Variants in CCDC178 observed in about 807,000 individuals in gnomAD.
CCDC178 encodes the protein coiled-coil domain containing 178, also known as coiled-coil domain-containing protein 178.
In CCDC178, 126 loss-of-function variants were observed where a neutral mutation model predicts 117.4. The observed-to-expected ratio is 1.07, with a 90% CI of 0.93 to 1.24. The LOEUF (loss-of-function observed/expected upper bound fraction) is 1.24, where lower values mean the gene tolerates loss of function less well. Ranked by LOEUF, CCDC178 falls within the 50% of genes most tolerant of loss-of-function variation. The pLI is 0.00. For missense variants in CCDC178, 1,030 were observed against 986.9 expected, an observed-to-expected ratio of 1.04 and a Z score of -0.59; for synonymous variants, 283 against 313.4, an observed-to-expected ratio of 0.90 and a Z score of 1.02.
chr18:32,938,739 T>C (rs576102114), intron 22 of CCDC178, among the ~76,000 whole-genome samples: 1 of 152,288 alleles, frequency 6.6e-6, no homozygotes, highest in East Asian at 1.9e-4. Context: ...TTCTTCTAAA[T>C]GTAAACAAGG....
At chr18:33,136,832 G>T (rs1023730714) in intron 20 of CCDC178, among the ~76,000 whole-genome samples, 3 of 151,960 alleles carry the variant, frequency 2.0e-5, no homozygotes, top group Non-Finnish European at 1.5e-5. Context: ...GAGTCAAGAG[G>T]CCAGTGAAAA....
intron 20 of CCDC178, among the ~76,000 whole-genome samples, chr18:33,099,358 G>A (rs574449407): frequency 6.6e-6 from 1 of 152,040 alleles, no homozygotes; most frequent in South Asian, 2.1e-4. Flanking sequence ...TATGCCCTTG[G>A]TACATTTCTG....
intron 21 of CCDC178, among the ~76,000 whole-genome samples, chr18:33,017,978 T>C (rs905052040): frequency 1.3e-5 from 2 of 151,892 alleles, no homozygotes; most frequent in Non-Finnish European, 2.9e-5. Flanking sequence ...AAGGAAACCA[T>C]TAAGAAAGTG....
At chr18:33,335,993 G>C (rs2062734981) in intron 9 of CCDC178, among the ~76,000 whole-genome samples, 1 of 152,122 alleles carries the variant, frequency 6.6e-6, no homozygotes, top group African/African-American at 2.4e-5. Flanking sequence ...CTTTGATCCT[G>C]TCAGTTGCCT....
chr18:33,330,021 C>A (rs1296835286), intron 10 of CCDC178, among the ~76,000 whole-genome samples: 1 of 143,074 alleles, frequency 7.0e-6, no homozygotes, highest in Non-Finnish European at 1.5e-5. Context: ...ACTTGTTATA[C>A]ACCTGCTCAG....
intron 5 of CCDC178, among the ~76,000 whole-genome samples, chr18:33,388,269 T>C (rs1002656604): frequency 6.6e-6 from 1 of 152,132 alleles, no homozygotes; most frequent in African/African-American, 2.4e-5. Context: ...GGTAGGAGCA[T>C]AAATTAGTTC....
At chr18:33,345,302 A>G (rs113724172) in intron 9 of CCDC178, among the ~76,000 whole-genome samples, 11 of 152,310 alleles carry the variant, frequency 7.2e-5, no homozygotes, top group Admixed American at 2.0e-4. Context: ...TCATAGGTAC[A>G]GGGTTTGTAG....
chr18:33,381,488 A>G (rs551925173), intron 5 of CCDC178, among the ~76,000 whole-genome samples: 1 of 152,306 alleles, frequency 6.6e-6, no homozygotes, highest in African/African-American at 2.4e-5. Flanking sequence ...CTTTCTCTGA[A>G]CCATCTTCAC....
chr18:32,963,129 GGTTTATGTC>G (rs776266252), intron 22 of CCDC178, among the ~76,000 whole-genome samples: 6 of 152,016 alleles, frequency 3.9e-5, no homozygotes, highest in Non-Finnish European at 7.4e-5. Context: ...AAATTGCCTA[GGTTTATGTC>G]CTGAGGATGA....
chr18:33,073,360 T>A (rs1476873721), intron 21 of CCDC178, among the ~76,000 whole-genome samples: 4 of 152,110 alleles, frequency 2.6e-5, no homozygotes, highest in Non-Finnish European at 5.9e-5. Flanking sequence ...CTTAACTATG[T>A]ACTGTAGCTC....
chr18:33,011,411 A>T (rs2055860899), intron 21 of CCDC178, among the ~76,000 whole-genome samples: 2 of 152,108 alleles, frequency 1.3e-5, no homozygotes, highest in Admixed American at 6.6e-5. Flanking sequence ...TGCTTTGGTG[A>T]TATAGTTAAT....
At chr18:32,987,814 T>A (rs1228770712) in intron 21 of CCDC178, among the ~76,000 whole-genome samples, 1 of 152,076 alleles carries the variant, frequency 6.6e-6, no homozygotes, top group African/African-American at 2.4e-5. Flanking sequence ...AATAATACAT[T>A]TGGCTGGGTG....
chr18:33,328,110 T>C, intron 10 of CCDC178: 1 of 283,456 alleles, frequency 3.5e-6, no homozygotes, highest in Non-Finnish European at 6.2e-6. Flanking sequence ...TTTTTTTTTT[T>C]TTTTTTTTTT....
intron 2 of CCDC178, among the ~76,000 whole-genome samples, chr18:33,430,691 T>C (rs1425409815): frequency 6.6e-6 from 1 of 152,200 alleles, no homozygotes; most frequent in Non-Finnish European, 1.5e-5. Flanking sequence ...GAGATCTTTG[T>C]TTTGTTAAAC....
intron 4 of CCDC178, among the ~76,000 whole-genome samples, chr18:33,391,320 A>T (rs1390917271): frequency 6.6e-6 from 1 of 152,010 alleles, no homozygotes; most frequent in East Asian, 1.9e-4. Flanking sequence ...TTAGAAAAAA[A>T]TCTTATTTTT....
intron 21 of CCDC178, among the ~76,000 whole-genome samples, chr18:32,975,523 G>T (rs1393199202): frequency 6.6e-6 from 1 of 151,990 alleles, no homozygotes; most frequent in African/African-American, 2.4e-5. Context: ...TTATAATAAG[G>T]CATTTTCAAA....
chr18:33,193,190 G>A (rs971617300), intron 20 of CCDC178, among the ~76,000 whole-genome samples: 6 of 150,068 alleles, frequency 4.0e-5, no homozygotes, highest in Non-Finnish European at 7.4e-5. Flanking sequence ...GTGAACCCGG[G>A]AGGTGGAGCT....
chr18:32,993,892 A>G lies in CCDC178; in HGVS notation c.2389-19211T>C, dbSNP rs181212649. The stretch of plus-strand genomic sequence containing the variant: ...GGTTTCCTTTCACTTCAATTACAAC[A>G]AATCTTACACTGTAAAATTTTATTA... On this transcript the variant is annotated intron_variant, in intron 21 of 22. Transcript: ENST00000383096. Among the ~76,000 whole-genome samples, 667 of 152,318 alleles carry G rather than the reference A, an allele frequency of 4.4e-3. 1 individual carries two copies. The highest frequency in any genetic ancestry group is 7.4e-3 in the Non-Finnish European group (505 of 68,032).
intron 15 of CCDC178, among the ~76,000 whole-genome samples, chr18:33,241,068 TACATCA>T (rs1021931923): frequency 8.6e-5 from 13 of 151,958 alleles, no homozygotes; most frequent in African/African-American, 3.1e-4. Flanking sequence ...ATGTGATACA[TACATCA>T]GCAGAAGAAA....
Sources: allele counts gnomAD v4.1 joint callset (sites outside exome capture counted in the v4.1 genomes callset), GRCh38; gene constraint gnomAD v4.1.1; transcripts MANE v1.5; gene names NCBI Gene and HGNC (gene_info 2026-07-23, HGNC 2026-07-21).